The following IMPA2 variants were observed in gnomAD, a reference collection of about 807,000 sequenced individuals.
The protein encoded by IMPA2 is inositol monophosphatase 2, also known as IMP 2.
A neutral mutation model predicts 35.1 loss-of-function variants in IMPA2; 32 were observed. The ratio of observed to expected loss-of-function variants is 0.91; its 90% CI spans 0.69 to 1.23. IMPA2 has a LOEUF of 1.23. Among genes scored for constraint, IMPA2 ranks in the 50% most tolerant of loss-of-function variants. IMPA2 has a pLI of 0.00. For synonymous variants in IMPA2, 135 were observed against 160.6 expected (o/e 0.84, Z 1.20); for missense variants, 334 against 387.6 (o/e 0.86, Z 1.16).
chr18:11,985,332 T>C (rs1454268731), intron 1 of IMPA2, among the ~76,000 whole-genome samples: 2 of 152,318 alleles, frequency 1.3e-5, no homozygotes, highest in African/African-American at 4.8e-5. Context: ...GTAATACTTT[T>C]TGCCCTTTTT....
At chr18:12,030,155 G>A (rs1186386064) in intron 7 of IMPA2, among the ~76,000 whole-genome samples, 188 bp from the exon 8 acceptor site, 1 of 152,242 alleles carries the variant, frequency 6.6e-6, no homozygotes, top group African/African-American at 2.4e-5. Flanking sequence ...GGTGGGGCGG[G>A]AGAGGCTCCA....
At chr18:12,022,613 A>C (rs1465243038) in intron 5 of IMPA2, among the ~76,000 whole-genome samples, 3 of 149,116 alleles carry the variant, frequency 2.0e-5, no homozygotes, top group Non-Finnish European at 4.4e-5. Flanking sequence ...ACAAAGGGTA[A>C]TAAAATACAA....
chr18:12,021,353 C>T (rs1424652120), intron 5 of IMPA2, among the ~76,000 whole-genome samples: 1 of 152,032 alleles, frequency 6.6e-6, no homozygotes, highest in Admixed American at 6.6e-5. Flanking sequence ...TGCACCACTG[C>T]ACTCTAGCCT....
chr18:11,981,913 G>T, intron 1 of IMPA2, 148 bp downstream of exon 1: 2 of 450,528 alleles, frequency 4.4e-6, no homozygotes, highest in Non-Finnish European at 7.2e-6. Context: ...GGTGAAAGGA[G>T]CCTTTGTGCT....
At chr18:12,014,408 G>A (rs762824594) in intron 5 of IMPA2, 35 bp downstream of exon 5, 2 of 1,377,244 alleles carry the variant, frequency 1.5e-6, no homozygotes, top group Non-Finnish European at 2.0e-6. Context: ...GTTTACTTCT[G>A]AAATAAAAGT....
chr18:12,007,605 TCTTTCTTTCTTTCTTTTTCTTTC>T (rs1907291516), intron 2 of IMPA2, among the ~76,000 whole-genome samples: 1 of 131,942 alleles, frequency 7.6e-6, no homozygotes, highest in African/African-American at 3.4e-5. Flanking sequence ...TCTTTCTTTC[TCTTTCTTTCTTTCTTTTTCTTTC>T]TTCTTTCTTT....
rs35737614 is a variant in IMPA2 at position 12,022,941 on chromosome 18, A to ATTTTTTTTTTTT, written c.491-5088_491-5077dup. On this transcript the variant is annotated intron_variant, in intron 5 of 7. Coordinates refer to ENST00000269159, the MANE Select transcript of IMPA2 (RefSeq NM_014214.3). ...AAATGTGTGCCACCACGCCTGCCTAATTTTTTTTTTTTTTTTTTTTTTTTT... is the reference window on the plus strand; with the variant it reads ...AAATGTGTGCCACCACGCCTGCCTAATTTTTTTTTTTTTTTTTTTTTTTTTTTTTTTTTTTTT... 2.5e-3 allele frequency among the ~76,000 whole-genome samples: 206 copies of ATTTTTTTTTTTT among 81,700 alleles called. 1 individual carries two copies. The highest frequency in any genetic ancestry group is 3.0e-3 in the Non-Finnish European group (129 of 43,344). 53.6% of individuals were successfully genotyped at this position (81,700 alleles called of 152,430 possible).
intron 1 of IMPA2, 41 bp from the exon 2 acceptor site, chr18:11,999,013 A>T (rs1907042431): frequency 3.3e-6 from 5 of 1,520,896 alleles, no homozygotes; most frequent in Non-Finnish European, 3.5e-6. Context: ...TGGGAGGAGG[A>T]TGTTTGCATG....
At chr18:12,024,907 A>T (rs1421958531) in intron 5 of IMPA2, among the ~76,000 whole-genome samples, 1 of 152,042 alleles carries the variant, frequency 6.6e-6, no homozygotes, top group African/African-American at 2.4e-5. Context: ...ATTTGTTAAA[A>T]TGAGACACAT....
At chr18:12,025,875 CGTT>C (rs1388413562) in intron 5 of IMPA2, among the ~76,000 whole-genome samples, 8 of 151,928 alleles carry the variant, frequency 5.3e-5, no homozygotes, top group African/African-American at 1.7e-4. Flanking sequence ...GGCTTTGTCT[CGTT>C]GTTAATCTGC....
chr18:12,007,670 T>TCTTTCTTTCCTTTCTTTC (rs1555645775), intron 2 of IMPA2, among the ~76,000 whole-genome samples: 30 of 98,006 alleles, frequency 3.1e-4, no homozygotes, highest in African/African-American at 9.3e-4. Flanking sequence ...TTTCTTTCTT[T>TCTTTCTTTCCTTTCTTTC]CTTTCTTTCC....
At chr18:12,020,773 A>T (rs1907707391) in intron 5 of IMPA2, among the ~76,000 whole-genome samples, 1 of 150,388 alleles carries the variant, frequency 6.6e-6, no homozygotes, top group Non-Finnish European at 1.5e-5. Flanking sequence ...CCTTTATGTA[A>T]TTTTTCCTAA....
At chr18:12,016,069 G>A (rs747282552) in intron 5 of IMPA2, among the ~76,000 whole-genome samples, 2 of 152,202 alleles carry the variant, frequency 1.3e-5, no homozygotes, top group Non-Finnish European at 2.9e-5. Context: ...AACATGAAGT[G>A]CTCATGTTCT....
At chr18:11,995,020 G>C (rs1906920922) in intron 1 of IMPA2, 1 of 152,086 alleles carries the variant, frequency 6.6e-6, no homozygotes, top group African/African-American at 2.4e-5. Flanking sequence ...CCATGTGACA[G>C]GGCCATGGCA....
intron 5 of IMPA2, among the ~76,000 whole-genome samples, chr18:12,020,676 T>C (rs549932635): frequency 8.3e-6 from 1 of 121,170 alleles, no homozygotes; most frequent in East Asian, 1.9e-4. Flanking sequence ...AAGTTTCCTC[T>C]TTTTCACCCT....
At chr18:11,997,055 A>G (rs930452784) in intron 1 of IMPA2, among the ~76,000 whole-genome samples, 6 of 151,950 alleles carry the variant, frequency 3.9e-5, no homozygotes, top group Non-Finnish European at 8.8e-5. Context: ...CTCCCCCCAT[A>G]CCACATGAAC....
chr18:12,014,709 C>T (rs1188262461), intron 5 of IMPA2, among the ~76,000 whole-genome samples: 8 of 152,098 alleles, frequency 5.3e-5, no homozygotes. Flanking sequence ...TCAGAGCACC[C>T]GGCACACCTC....
At chr18:12,016,060 A>T (rs929029170) in intron 5 of IMPA2, among the ~76,000 whole-genome samples, 1 of 152,318 alleles carries the variant, frequency 6.6e-6, no homozygotes, top group East Asian at 1.9e-4. Context: ...AATGAAGGAA[A>T]CATGAAGTGC....
chr18:12,011,301 G>A (rs1907427844), intron 3 of IMPA2, among the ~76,000 whole-genome samples: 1 of 152,188 alleles, frequency 6.6e-6, no homozygotes, highest in South Asian at 2.1e-4. Flanking sequence ...TGATTGTTGT[G>A]GTCTGAAGAC....
Sources: gnomAD v4.1 joint callset for allele counts (sites outside exome capture counted in the v4.1 genomes callset) on GRCh38, gnomAD v4.1.1 for gene constraint, MANE v1.5 for transcripts, NCBI Gene and HGNC (gene_info 2026-07-23, HGNC 2026-07-21) for gene names.